The following BIVM variants were observed in gnomAD, a reference collection of about 807,000 sequenced individuals.
BIVM encodes the protein basic immunoglobulin-like variable motif-containing protein.
In BIVM, 31 loss-of-function variants were observed where a neutral mutation model predicts 61.4. That is an observed-to-expected ratio of 0.51 (90% CI 0.38 to 0.68). The LOEUF (loss-of-function observed/expected upper bound fraction) is 0.68, where lower values mean the gene tolerates loss of function less well. Ranked by LOEUF, BIVM falls within the 30% of genes least tolerant of loss-of-function variation. BIVM has a pLI of 0.00. For missense variants in BIVM, 526 were observed against 596.0 expected (o/e 0.88, Z 1.22); for synonymous variants, 189 against 210.7 (o/e 0.90, Z 0.89).
At position 102,821,051 on chromosome 13, in the gene BIVM, G is replaced by A. The variant is rs775945195; in HGVS notation, c.620G>A (p.Arg207Gln). The change falls in exon 5 of 11, where the codon CGA becomes CAA. Residue 207 changes from arginine (R) to glutamine (Q), a missense_variant. Arg to Gln is a conservative substitution (Grantham distance 43, BLOSUM62 1). This residue lies in a region of BIVM where 312 missense variants were observed against 343.8 expected (regional missense o/e 0.91). Transcript: ENST00000257336. The stretch of plus-strand genomic sequence containing the variant: ...TGTGTTCTCAGGTACTGCATAAGCC[G>A]ACCACAGTATAAGACTTCTTGTGGC... ...LDLRRWYCIS[R>Q]PQYKTSCGIS... 1.2e-6 allele frequency: 2 copies of A among 1,612,788 alleles called. No individual in the cohort carries two copies. The highest frequency in any genetic ancestry group is 1.7e-6 in the Non-Finnish European group (2 of 1,179,722).
At chr13:102,806,703 G>A (rs1434423595) in intron 2 of BIVM, among the ~76,000 whole-genome samples, 2 of 151,702 alleles carry the variant, frequency 1.3e-5, no homozygotes, top group African/African-American at 4.8e-5. Context: ...TTGAGGTCGG[G>A]ATTTTGAGAC....
chr13:102,823,112 C>T (rs1465497131), intron 7 of BIVM, among the ~76,000 whole-genome samples: 1 of 152,196 alleles, frequency 6.6e-6, no homozygotes, highest in African/African-American at 2.4e-5. Flanking sequence ...TGTGGGTTCT[C>T]TCTAAACTGA....
At chr13:102,836,809 G>A (rs946093653) in intron 9 of BIVM, among the ~76,000 whole-genome samples, 7 of 152,246 alleles carry the variant, frequency 4.6e-5, no homozygotes, top group South Asian at 2.1e-4. Flanking sequence ...TCCTTTTACC[G>A]ATGCCACACT....
intron 3 of BIVM, among the ~76,000 whole-genome samples, chr13:102,815,584 C>T (rs1879810867): frequency 6.6e-6 from 1 of 152,182 alleles, no homozygotes; most frequent in Admixed American, 6.5e-5. Context: ...TGTATCAAAA[C>T]ATCTTATGTA....
At chr13:102,816,604 G>A in intron 4 of BIVM, 50 bp downstream of exon 4, 1 of 1,446,904 alleles carries the variant, frequency 6.9e-7, no homozygotes, top group Non-Finnish European at 9.1e-7. Context: ...TGTAATATAT[G>A]TTGGCAATAA....
intron 5 of BIVM, 50 bp downstream of exon 5, chr13:102,821,182 T>C (rs1193276071): frequency 1.3e-6 from 2 of 1,513,454 alleles, no homozygotes; most frequent in Non-Finnish European, 1.8e-6. Context: ...TAATTTGATG[T>C]TGCTTTTTCT....
intron 4 of BIVM, among the ~76,000 whole-genome samples, chr13:102,818,363 G>T (rs1880018473): frequency 6.6e-6 from 1 of 152,122 alleles, no homozygotes; most frequent in African/African-American, 2.4e-5. Flanking sequence ...TCAATATTTA[G>T]ATTTTTTTTC....
intron 9 of BIVM, among the ~76,000 whole-genome samples, chr13:102,835,776 A>G (rs929770356): frequency 4.6e-5 from 7 of 151,834 alleles, no homozygotes; most frequent in African/African-American, 1.7e-4. Flanking sequence ...CAAGTGATCC[A>G]CCCTCCTCAG....
intron 4 of BIVM, among the ~76,000 whole-genome samples, chr13:102,818,329 T>C (rs557378490): frequency 6.6e-6 from 1 of 152,342 alleles, no homozygotes; most frequent in Non-Finnish European, 1.5e-5. Flanking sequence ...ATACATGTCA[T>C]GATCTGTTTC....
intron 1 of BIVM, among the ~76,000 whole-genome samples, chr13:102,803,874 C>T (rs1015773039): frequency 6.6e-6 from 1 of 152,160 alleles, no homozygotes; most frequent in Non-Finnish European, 1.5e-5. Context: ...ACTCTGTCTT[C>T]CAAAAAGACA....
intron 3 of BIVM, among the ~76,000 whole-genome samples, chr13:102,813,241 T>C (rs1291756680): frequency 6.6e-6 from 1 of 152,242 alleles, no homozygotes; most frequent in Non-Finnish European, 1.5e-5. Context: ...TAAGTTCACA[T>C]ACATTTATGA....
chr13:102,805,035 A>C (rs1041288057), intron 1 of BIVM, among the ~76,000 whole-genome samples: 7 of 152,118 alleles, frequency 4.6e-5, no homozygotes, highest in African/African-American at 1.7e-4. Flanking sequence ...CATGACAGTT[A>C]TTTTTATTTC....
chr13:102,840,815 C>T lies in BIVM; in HGVS notation c.*950C>T, dbSNP rs928977025. 1.3e-5 allele frequency: 2 copies of T among 151,710 alleles called. No individual in the cohort carries two copies. Among genetic ancestry groups the T allele is most frequent in the African/African-American group, 2.4e-5 (1 of 41,276 alleles). 9.4% of individuals were successfully genotyped at this position (151,710 alleles called of 1,614,324 possible). The stretch of plus-strand genomic sequence containing the variant: ...AAATATTGACAAGAACCTTAGGTCT[C>T]GAAAGACTTTTATAAGTCTAGATGA... On this transcript the variant is annotated 3_prime_UTR_variant, in exon 11 of 11. Transcript: ENST00000257336.
Position 102,807,672 on chromosome 13 carries a change from C to A in BIVM, c.405C>A (p.Gly135=). The A allele has an allele frequency of 1.2e-6, 2 of 1,614,068 alleles. No homozygotes were observed. The highest frequency in any genetic ancestry group is 1.1e-5 in the South Asian group (1 of 91,070). The change falls in exon 3 of 11, where the codon GGC becomes GGA. Residue 135 remains glycine, a synonymous_variant. Transcript: ENST00000257336. The surrounding 1 kb of genome is among the most constrained non-coding windows in gnomAD (Gnocchi z 4.0). ...TGGAAAACTTATCCAACAGCCTGGG[C>A]AAGCTACCTCTCGCATGGGAAATTG... ...NSLENLSNSL[G]KLPLAWEIDK...
chr13:102,818,024 T>A (rs571092935), intron 4 of BIVM, among the ~76,000 whole-genome samples: 1 of 152,314 alleles, frequency 6.6e-6, no homozygotes, highest in East Asian at 1.9e-4. Context: ...TTAGGCAGTT[T>A]GTCATGTGAT....
At chr13:102,827,551 G>A (rs1014003257) in intron 7 of BIVM, among the ~76,000 whole-genome samples, 2 of 151,680 alleles carry the variant, frequency 1.3e-5, no homozygotes, top group African/African-American at 2.4e-5. Flanking sequence ...GAATATTTTT[G>A]TCTTTACCTT....
At chr13:102,815,826 G>C (rs947984793) in intron 3 of BIVM, among the ~76,000 whole-genome samples, 1 of 152,300 alleles carries the variant, frequency 6.6e-6, no homozygotes, top group Non-Finnish European at 1.5e-5. Flanking sequence ...CAGGAGGCTT[G>C]CTTTTCATTC....
chr13:102,825,275 A>G (rs1880594620), intron 7 of BIVM, among the ~76,000 whole-genome samples: 1 of 151,664 alleles, frequency 6.6e-6, no homozygotes. Flanking sequence ...TTTCAATTAA[A>G]TTTTTAGAGA....
intron 7 of BIVM, among the ~76,000 whole-genome samples, chr13:102,828,023 C>G (rs1880796583): frequency 6.6e-6 from 1 of 152,202 alleles, no homozygotes; most frequent in Admixed American, 6.5e-5. Context: ...TTAAGGACCA[C>G]TAAGCCTGTT....
Sources: allele counts gnomAD v4.1 joint callset (sites outside exome capture counted in the v4.1 genomes callset), GRCh38; gene constraint gnomAD v4.1.1; regional missense constraint gnomAD v4.1.1; non-coding constraint Gnocchi (gnomAD v3.1); transcripts MANE v1.5; gene names NCBI Gene and HGNC (gene_info 2026-07-23, HGNC 2026-07-21).